Variants in PDE10A observed in about 807,000 individuals in gnomAD.
PDE10A encodes the protein cAMP and cAMP-inhibited cGMP 3',5'-cyclic phosphodiesterase 10A.
A neutral mutation model predicts 97.7 loss-of-function variants in PDE10A; 39 were observed. The ratio of observed to expected loss-of-function variants is 0.40; its 90% CI spans 0.31 to 0.52. The LOEUF (loss-of-function observed/expected upper bound fraction) is 0.52. Ranked by LOEUF, PDE10A falls within the 20% of genes least tolerant of loss-of-function variation. The pLI is 0.56. For missense variants in PDE10A, 731 were observed against 1,047.8 expected (o/e 0.70, Z 4.17); for synonymous variants, 371 against 376.8 (o/e 0.98, Z 0.18).
chr6:165,825,463 C>T (rs1779713179), intron 1 of PDE10A, among the ~76,000 whole-genome samples: 1 of 152,188 alleles, frequency 6.6e-6, no homozygotes. Context: ...TGAAATACGG[C>T]CCAGCCCTGC....
At chr6:165,656,292 ACACACC>A (rs1562664293) in intron 1 of PDE10A, among the ~76,000 whole-genome samples, 16 of 116,544 alleles carry the variant, frequency 1.4e-4, no homozygotes, top group African/African-American at 4.7e-4. Context: ...ACACACACAC[ACACACC>A]TTTCCAATCC....
At chr6:165,537,143 T>C (rs1015450487) in intron 2 of PDE10A, among the ~76,000 whole-genome samples, 19 of 152,004 alleles carry the variant, frequency 1.2e-4, no homozygotes, top group African/African-American at 3.9e-4. Flanking sequence ...TGCAGCAACA[T>C]GGATGGAACT....
intron 1 of PDE10A, among the ~76,000 whole-genome samples, chr6:165,822,645 G>A (rs1779607188): frequency 6.6e-6 from 1 of 151,624 alleles, no homozygotes; most frequent in Non-Finnish European, 1.5e-5. Flanking sequence ...ACCGGTACAA[G>A]ACACTTATCA....
At chr6:165,943,142 GGAGA>G (rs143901978) in intron 1 of PDE10A, among the ~76,000 whole-genome samples, 21 of 91,398 alleles carry the variant, frequency 2.3e-4, no homozygotes, top group African/African-American at 7.3e-4. Context: ...AGGCAAGAGA[GGAGA>G]GAGAGAGAGA....
chr6:165,494,676 G>C (rs1780437264), intron 2 of PDE10A, among the ~76,000 whole-genome samples: 1 of 151,988 alleles, frequency 6.6e-6, no homozygotes, highest in African/African-American at 2.4e-5. Context: ...TAGCTACAAA[G>C]TTACTGAGAA....
intron 1 of PDE10A, among the ~76,000 whole-genome samples, chr6:165,806,655 C>CT (rs372606189): frequency 4.3e-4 from 65 of 151,250 alleles, no homozygotes; most frequent in African/African-American, 1.4e-3. Flanking sequence ...GAGCGCCCCC[C>CT]CCCAGGCTCT....
intron 1 of PDE10A, among the ~76,000 whole-genome samples, chr6:165,692,170 G>C (rs1462644118): frequency 6.6e-6 from 1 of 152,192 alleles, no homozygotes; most frequent in Non-Finnish European, 1.5e-5. Context: ...GGAGGGTGGG[G>C]ACGCCACAGG....
chr6:165,384,607 A>G (rs1284209234), intron 17 of PDE10A, among the ~76,000 whole-genome samples: 1 of 141,902 alleles, frequency 7.0e-6, no homozygotes, highest in Non-Finnish European at 1.5e-5. Flanking sequence ...TACCATGAGT[A>G]ACGTGTGTGT....
At chr6:165,461,277 A>T (rs1778311793) in intron 3 of PDE10A, among the ~76,000 whole-genome samples, 1 of 152,192 alleles carries the variant, frequency 6.6e-6, no homozygotes, top group Non-Finnish European at 1.5e-5. Context: ...TAGATTTAAA[A>T]GACTGTTTGT....
At chr6:165,668,704 A>G (rs954059635) in intron 1 of PDE10A, among the ~76,000 whole-genome samples, 2 of 151,684 alleles carry the variant, frequency 1.3e-5, no homozygotes, top group Non-Finnish European at 2.9e-5. Flanking sequence ...AGGAAGGAAG[A>G]AAGAAAAGAA....
intron 1 of PDE10A, among the ~76,000 whole-genome samples, chr6:165,574,274 A>C (rs1242549147): frequency 6.6e-6 from 1 of 151,800 alleles, no homozygotes; most frequent in East Asian, 1.9e-4. Context: ...AAAAAAAAGC[A>C]ATTTGTTAGA....
At chr6:165,619,108 T>TGTAGTGTAGTCTAGC (rs1787886211) in intron 1 of PDE10A, among the ~76,000 whole-genome samples, 1 of 138,372 alleles carries the variant, frequency 7.2e-6, no homozygotes, top group African/African-American at 2.6e-5. Context: ...TGTAGTCTAG[T>TGTAGTGTAGTCTAGC]GTAGTGTAGT....
intron 1 of PDE10A, among the ~76,000 whole-genome samples, chr6:165,752,985 G>T (rs1205689875): frequency 6.6e-6 from 1 of 152,202 alleles, no homozygotes; most frequent in Non-Finnish European, 1.5e-5. Context: ...TCACATTAGA[G>T]AATTCCACGC....
At chr6:165,877,432 G>A (rs1362242286) in intron 1 of PDE10A, among the ~76,000 whole-genome samples, 1 of 152,074 alleles carries the variant, frequency 6.6e-6, no homozygotes, top group African/African-American at 2.4e-5. Flanking sequence ...ACTCTTCATG[G>A]GAGAGTAGCC....
At chr6:165,914,638 A>C (rs1782556601) in intron 1 of PDE10A, among the ~76,000 whole-genome samples, 1 of 152,208 alleles carries the variant, frequency 6.6e-6, no homozygotes, top group African/African-American at 2.4e-5. Flanking sequence ...AAAGTGGATG[A>C]GATACGTGAA....
At chr6:165,722,979 T>C (rs1792204171) in intron 1 of PDE10A, among the ~76,000 whole-genome samples, 1 of 152,110 alleles carries the variant, frequency 6.6e-6, no homozygotes, top group Admixed American at 6.6e-5. Context: ...AACTACGTTT[T>C]TGTTTGGATT....
intron 1 of PDE10A, among the ~76,000 whole-genome samples, chr6:165,912,512 A>G (rs1215597091): frequency 6.6e-6 from 1 of 152,206 alleles, no homozygotes; most frequent in East Asian, 1.9e-4. Context: ...ACACAGTGCT[A>G]CAGTTTTTGC....
At chr6:165,560,464 T>C (rs932763666) in intron 1 of PDE10A, among the ~76,000 whole-genome samples, 5 of 151,820 alleles carry the variant, frequency 3.3e-5, no homozygotes, top group Non-Finnish European at 5.9e-5. Flanking sequence ...TCTTGCGATA[T>C]TCTGAGCAAA....
intron 1 of PDE10A, among the ~76,000 whole-genome samples, chr6:165,591,753 A>G (rs1371988822): frequency 6.6e-6 from 1 of 152,240 alleles, no homozygotes; most frequent in Non-Finnish European, 1.5e-5. Context: ...AATTAAGGAT[A>G]TAATCTACCT....
Sources: allele counts gnomAD v4.1 joint callset (sites outside exome capture counted in the v4.1 genomes callset), GRCh38; gene constraint gnomAD v4.1.1; transcripts MANE v1.5; gene names NCBI Gene and HGNC (gene_info 2026-07-23, HGNC 2026-07-21).